LOXHD1: variants seen among roughly 807,000 people sequenced by gnomAD.
The protein encoded by LOXHD1 is lipoxygenase homology PLAT domains 1.
Under a neutral mutation model 248.2 loss-of-function variants are expected in LOXHD1, and 205 were observed. That is an observed-to-expected ratio of 0.83 (90% CI 0.74 to 0.93). The LOEUF (loss-of-function observed/expected upper bound fraction) is 0.93. LOXHD1 is among the 40% of genes least tolerant of loss of function. The pLI is 0.00. For synonymous variants in LOXHD1, 1,113 were observed against 1,162.8 expected (o/e 0.96, Z 0.87); for missense variants, 2,930 against 2,971.6 (o/e 0.99, Z 0.33).
intron 5 of LOXHD1, among the ~76,000 whole-genome samples, chr18:46,613,032 T>C (rs932282936): frequency 2.0e-5 from 3 of 152,142 alleles, no homozygotes; most frequent in Non-Finnish European, 2.9e-5. Context: ...GTTATTAATA[T>C]TGTTAGCATT....
intron 4 of LOXHD1, among the ~76,000 whole-genome samples, chr18:46,620,985 G>A (rs1272453595): frequency 6.6e-6 from 1 of 152,210 alleles, no homozygotes; most frequent in Admixed American, 6.5e-5. Context: ...CAGGCCAACT[G>A]TCAGAGATCA....
intron 6 of LOXHD1, 104 bp downstream of exon 6, chr18:46,610,672 G>T: frequency 7.5e-7 from 1 of 1,327,708 alleles, no homozygotes; most frequent in Non-Finnish European, 1.0e-6. Flanking sequence ...AGTGGATGCA[G>T]ATGGACCTAG....
intron 35 of LOXHD1, among the ~76,000 whole-genome samples, chr18:46,509,342 C>A (rs1191441668): frequency 6.6e-6 from 1 of 152,166 alleles, no homozygotes; most frequent in Admixed American, 6.5e-5. Flanking sequence ...GAAGTTCCCA[C>A]CATGGCAGCC....
rs547104830 is a variant in LOXHD1 at position 46,524,594 on chromosome 18, G to C, written c.4748C>G (p.Thr1583Ser). Residue 1583 changes from threonine (T) to serine (S), a missense_variant, in exon 31 of 41, where the codon ACT becomes AGT. By Grantham distance (58) the Thr-to-Ser change is moderately conservative. Coordinates refer to ENST00000642948, the MANE Select transcript of LOXHD1 (RefSeq NM_001384474.1). ...LERLFYEKEY[T>S]GDRSSNCSSP... ...GCTGCAGTTGCTGCTGCGGTCCCCA[G>C]TGTACTCCTGTGTGGGAGAGCAGGA... 3.9e-6 allele frequency: 6 copies of C among 1,551,722 alleles called. No homozygotes were observed. Among genetic ancestry groups the C allele is most frequent in the Middle Eastern group, 1.7e-4 (1 of 5,992 alleles).
At chr18:46,628,242 C>G (rs2038771576) in intron 4 of LOXHD1, among the ~76,000 whole-genome samples, 1 of 152,180 alleles carries the variant, frequency 6.6e-6, no homozygotes, top group South Asian at 2.1e-4. Flanking sequence ...CAGGGCCTCA[C>G]TTAGAGTGGT....
intron 4 of LOXHD1, among the ~76,000 whole-genome samples, chr18:46,623,043 C>A (rs2038690632): frequency 1.3e-5 from 2 of 152,104 alleles, no homozygotes; most frequent in Non-Finnish European, 2.9e-5. Context: ...CTAGAGCTGG[C>A]CTGTGATTTA....
At chr18:46,487,464 C>T (rs1254726989) in intron 38 of LOXHD1, among the ~76,000 whole-genome samples, 1 of 152,130 alleles carries the variant, frequency 6.6e-6, no homozygotes, top group African/African-American at 2.4e-5. Context: ...TGGAGGAATG[C>T]TAGGAGCATA....
rs79383384 is a variant in LOXHD1, at chr18:46,628,623, C to T, written c.512-10333G>A. Among the ~76,000 whole-genome samples the T allele has an allele frequency of 3.6e-3, 546 of 152,286 alleles. 4 individuals are homozygous for T. Among genetic ancestry groups the T allele is most frequent in the Admixed American group, 0.027 (407 of 15,302 alleles). On this transcript the variant is annotated intron_variant, in intron 4 of 40. Transcript: ENST00000642948. ...CAGAGGGGAACCTGGCACTGAGTAGCTCTGGAGTACTTTCTGAGAGGTTAG... is the reference window on the plus strand; with the variant it reads ...CAGAGGGGAACCTGGCACTGAGTAGTTCTGGAGTACTTTCTGAGAGGTTAG...
At chr18:46,541,018 AATT>A (rs574546967) in intron 25 of LOXHD1, among the ~76,000 whole-genome samples, 30 of 152,292 alleles carry the variant, frequency 2.0e-4, no homozygotes, top group Non-Finnish European at 3.4e-4. Flanking sequence ...AGTTAGAAAA[AATT>A]ATATGCTCTG....
At chr18:46,518,988 A>T (rs964440536) in intron 33 of LOXHD1, 1 of 985,308 alleles carries the variant, frequency 1.0e-6, no homozygotes, top group African/African-American at 1.7e-5. Context: ...CTCCAAAGAG[A>T]ATGTCTGCCC....
rs1267001953 is a variant in LOXHD1 at position 46,521,128 on chromosome 18, A to T, written c.5240T>A (p.Leu1747Ter). 2 of 1,551,722 alleles carry T rather than the reference A, an allele frequency of 1.3e-6. No individual in the cohort carries two copies. Among genetic ancestry groups the T allele is most frequent in the Admixed American group, 2.0e-5 (1 of 51,008 alleles). ...DGITSRVFDL[L>*]DAMVVNIGVK... ...CCCAATGTTCACCACCATGGCATCC[A>T]AGAGGTCGAAGACACGGGAGGTGAT... Residue 1747 changes from leucine (L) to a stop codon, truncating the protein, a stop_gained, in exon 33 of 41, where the codon TTG (leucine) becomes TAG (stop). Transcript: ENST00000642948. LOFTEE classifies it high-confidence loss of function.
intron 23 of LOXHD1, 95 bp downstream of exon 23, chr18:46,545,222 G>T: frequency 1.1e-6 from 1 of 873,656 alleles, no homozygotes. Context: ...AGAGACAAAA[G>T]CATAATTAGG....
intron 37 of LOXHD1, among the ~76,000 whole-genome samples, chr18:46,500,950 G>A (rs1231963104): frequency 1.3e-5 from 2 of 152,112 alleles, no homozygotes; most frequent in Non-Finnish European, 2.9e-5. Flanking sequence ...CCTCGGACTA[G>A]CATCCTGTGG....
At chr18:46,572,432 C>T (rs1311735855) in intron 14 of LOXHD1, among the ~76,000 whole-genome samples, 2 of 151,890 alleles carry the variant, frequency 1.3e-5, no homozygotes, top group African/African-American at 4.8e-5. Flanking sequence ...GGGAAGGAGA[C>T]CAGGAGAAAA....
chr18:46,622,365 G>A (rs2038680605), intron 4 of LOXHD1, among the ~76,000 whole-genome samples: 3 of 152,148 alleles, frequency 2.0e-5, no homozygotes, highest in South Asian at 4.1e-4. Context: ...ATTTTTATGT[G>A]TCCCAAAATA....
chr18:46,581,837 C>T (rs188123168), intron 12 of LOXHD1, among the ~76,000 whole-genome samples: 1 of 152,250 alleles, frequency 6.6e-6, no homozygotes, highest in Admixed American at 6.5e-5. Flanking sequence ...AAGGGATGCT[C>T]AATACAATTA....
At position 46,649,233 on chromosome 18, in the gene LOXHD1, C is replaced by T; in HGVS notation, c.167G>A (p.Gly56Asp). Residue 56 changes from glycine (G) to aspartate (D), a missense_variant, in exon 2 of 41, where the codon GGT (glycine) becomes GAT (aspartate). Gly to Asp is a moderately conservative substitution (Grantham distance 94). Coordinates refer to ENST00000642948, the MANE Select transcript of LOXHD1 (RefSeq NM_001384474.1). ...EVVTATGDVR[G>D]AGTDANVFIT... is the part of the protein sequence containing the mutation. Reference sequence around the variant, plus strand: ...GAAGACATTGGCATCCGTCCCTGCACCGCGAACATCCCCCGTGGCTGTGAC... The same window carrying T: ...GAAGACATTGGCATCCGTCCCTGCATCGCGAACATCCCCCGTGGCTGTGAC... 1 of 1,551,878 alleles carries T rather than the reference C, an allele frequency of 6.4e-7. No individual in the cohort carries two copies. Among genetic ancestry groups the T allele is most frequent in the Non-Finnish European group, 8.7e-7 (1 of 1,147,028 alleles).
At chr18:46,517,158 T>C (rs1000218925) in intron 34 of LOXHD1, among the ~76,000 whole-genome samples, 1 of 152,188 alleles carries the variant, frequency 6.6e-6, no homozygotes, top group African/African-American at 2.4e-5. Context: ...CTGTCATCTC[T>C]GGTTCTTAAG....
intron 29 of LOXHD1, among the ~76,000 whole-genome samples, chr18:46,527,509 AG>A (rs1399702724): frequency 6.6e-6 from 1 of 152,208 alleles, no homozygotes; most frequent in East Asian, 1.9e-4. Context: ...GAGGAAAAGG[AG>A]GCACATAGAT....
Sources: gnomAD v4.1 joint callset for allele counts (sites outside exome capture counted in the v4.1 genomes callset) on GRCh38, gnomAD v4.1.1 for gene constraint, MANE v1.5 for transcripts, NCBI Gene and HGNC (gene_info 2026-07-23, HGNC 2026-07-21) for gene names.